Variants in TMEM132D observed in about 807,000 individuals in gnomAD.
TMEM132D encodes the protein transmembrane protein 132D.
TMEM132D carries 21 observed loss-of-function variants against 62.3 expected under a neutral mutation model. That is an observed-to-expected ratio of 0.34 (90% CI 0.24 to 0.49). The LOEUF is 0.49. Ranked by LOEUF, TMEM132D falls within the 20% of genes least tolerant of loss-of-function variation. The probability of loss-of-function intolerance (pLI) is 0.99; values close to 1 mark genes in which losing one functional copy is unlikely to be tolerated. For synonymous variants in TMEM132D, 621 were observed against 575.6 expected, an observed-to-expected ratio of 1.08 and a Z score of -1.13; for missense variants, 1,346 against 1,402.8, an observed-to-expected ratio of 0.96 and a Z score of 0.65.
chr12:129,535,791 T>C (rs1204777491), intron 2 of TMEM132D, among the ~76,000 whole-genome samples: 1 of 151,552 alleles, frequency 6.6e-6, no homozygotes, highest in South Asian at 2.1e-4. Context: ...TGTGTGTGTG[T>C]GTGTGTGTGT....
intron 1 of TMEM132D, among the ~76,000 whole-genome samples, chr12:129,734,212 G>A (rs1009794739): frequency 6.6e-6 from 1 of 152,126 alleles, no homozygotes; most frequent in Non-Finnish European, 1.5e-5. Flanking sequence ...TTCTGTCCTG[G>A]TATTTGACCT....
At chr12:129,477,210 G>A (rs1874289643) in intron 3 of TMEM132D, among the ~76,000 whole-genome samples, 1 of 152,180 alleles carries the variant, frequency 6.6e-6, no homozygotes, top group Non-Finnish European at 1.5e-5. Context: ...TCCAGACATT[G>A]CCGAAGTGAC....
chr12:129,270,761 A>T (rs1880832056), intron 4 of TMEM132D, among the ~76,000 whole-genome samples: 1 of 152,228 alleles, frequency 6.6e-6, no homozygotes, highest in South Asian at 2.1e-4. Context: ...TGGGTTCTAA[A>T]GTGTTCCATT....
intron 4 of TMEM132D, among the ~76,000 whole-genome samples, chr12:129,252,422 C>A (rs994814411): frequency 2.0e-5 from 3 of 152,048 alleles, no homozygotes. Context: ...AAACTTCTTC[C>A]TAAGTGGGAA....
chr12:129,240,735 T>G (rs574570678), intron 4 of TMEM132D, among the ~76,000 whole-genome samples: 48 of 152,352 alleles, frequency 3.2e-4, no homozygotes, highest in African/African-American at 1.2e-3. Context: ...ACTTAATGTC[T>G]AATTCCTAAG....
chr12:129,091,803 TC>T (rs1197594740), intron 5 of TMEM132D, among the ~76,000 whole-genome samples: 1 of 152,206 alleles, frequency 6.6e-6, no homozygotes, highest in African/African-American at 2.4e-5. Context: ...TCCATCCTGG[TC>T]TGGAGAGACA....
intron 5 of TMEM132D, among the ~76,000 whole-genome samples, chr12:129,139,207 ACT>A (rs1189799319): frequency 6.6e-6 from 1 of 152,052 alleles, no homozygotes; most frequent in African/African-American, 2.4e-5. Context: ...GGGCTGCCTG[ACT>A]CTCAAAATTC....
At chr12:129,398,476 G>A (rs1871498117) in intron 3 of TMEM132D, among the ~76,000 whole-genome samples, 1 of 152,146 alleles carries the variant, frequency 6.6e-6, no homozygotes, top group Admixed American at 6.5e-5. Flanking sequence ...CAGCAGACAT[G>A]CCTTTATATC....
intron 2 of TMEM132D, among the ~76,000 whole-genome samples, chr12:129,540,707 G>T (rs1008767525): frequency 7.2e-5 from 11 of 151,990 alleles, no homozygotes; most frequent in African/African-American, 2.7e-4. Flanking sequence ...GGCTGGTCTC[G>T]AACTCCTGGC....
intron 5 of TMEM132D, among the ~76,000 whole-genome samples, chr12:129,201,336 G>A (rs1398319094): frequency 6.6e-6 from 1 of 152,168 alleles, no homozygotes; most frequent in East Asian, 1.9e-4. Flanking sequence ...CTGATCTGTG[G>A]GTTCTTACAA....
chr12:129,703,740 G>A (rs528648500), intron 1 of TMEM132D, among the ~76,000 whole-genome samples: 1 of 152,144 alleles, frequency 6.6e-6, no homozygotes, highest in South Asian at 2.1e-4. Context: ...TGACATGTTC[G>A]CATCTTGAAG....
At chr12:129,786,343 C>T (rs1303215051) in intron 1 of TMEM132D, among the ~76,000 whole-genome samples, 2 of 152,066 alleles carry the variant, frequency 1.3e-5, no homozygotes, top group East Asian at 3.9e-4. Flanking sequence ...TGAGCTTCCG[C>T]AGCAGTGACC....
Position 129,455,186 on chromosome 12 carries a change from C to A in TMEM132D, c.1115+75873G>T, listed in dbSNP as rs117331537. Among the ~76,000 whole-genome samples the A allele has an allele frequency of 1.3e-3, 205 of 152,256 alleles. 4 individuals carry two copies. In the East Asian group the frequency reaches 0.037, roughly 27 times the overall value. On this transcript the variant is annotated intron_variant, in intron 3 of 8. Coordinates refer to ENST00000422113, the MANE Select transcript of TMEM132D (RefSeq NM_133448.3). ...GTGTATTCAAAGACAGGCTATAAAG[C>A]CATGGGAATAAGACACTCAGAGCAT...
At chr12:129,802,493 A>G (rs61942079) in intron 1 of TMEM132D, among the ~76,000 whole-genome samples, 3,090 of 109,726 alleles carry the variant, frequency 0.028, 22 homozygotes, top group African/African-American at 0.032. Context: ...AATGCTGAGA[A>G]ATTTTGTCAC....
intron 1 of TMEM132D, chr12:129,840,294 C>G (rs1013958209): frequency 1.3e-5 from 2 of 152,146 alleles, no homozygotes; most frequent in Admixed American, 6.5e-5. Flanking sequence ...GCACTGCCCC[C>G]CAACAGAGCT....
intron 2 of TMEM132D, among the ~76,000 whole-genome samples, chr12:129,609,094 AC>A (rs1265787098): frequency 6.6e-4 from 101 of 151,946 alleles, no homozygotes; most frequent in African/African-American, 2.3e-3. Context: ...GTGCCCACCA[AC>A]ACGCCCAGAT....
At chr12:129,636,747 A>AGG (rs1879492956) in intron 2 of TMEM132D, among the ~76,000 whole-genome samples, 1 of 108,372 alleles carries the variant, frequency 9.2e-6, no homozygotes, top group African/African-American at 2.9e-5. Flanking sequence ...TGAGAGAGAG[A>AGG]GAGAGAGAGA....
chr12:129,718,046 T>A (rs1278952061), intron 1 of TMEM132D, among the ~76,000 whole-genome samples: 1 of 152,226 alleles, frequency 6.6e-6, no homozygotes, highest in East Asian at 1.9e-4. Context: ...GGATTTCTTA[T>A]GAGGGTAGCT....
At chr12:129,861,959 C>T (rs551680071) in intron 1 of TMEM132D, among the ~76,000 whole-genome samples, 1 of 152,158 alleles carries the variant, frequency 6.6e-6, no homozygotes, top group South Asian at 2.1e-4. Flanking sequence ...TGTAGCCACA[C>T]CCAACACACA....
Sources: allele counts gnomAD v4.1 joint callset (sites outside exome capture counted in the v4.1 genomes callset), GRCh38; gene constraint gnomAD v4.1.1; transcripts MANE v1.5; gene names NCBI Gene and HGNC (gene_info 2026-07-23, HGNC 2026-07-21).